Variants in ACER1 observed in about 807,000 individuals in gnomAD.
ACER1 encodes alkaline ceramidase 1.
In ACER1, 28 loss-of-function variants were observed where a neutral mutation model predicts 24.9. That is an observed-to-expected ratio of 1.13 (90% CI 0.83 to 1.54). The LOEUF (loss-of-function observed/expected upper bound fraction) is 1.54, where lower values mean the gene tolerates loss of function less well. Among genes scored for constraint, ACER1 ranks in the 40% most tolerant of loss-of-function variants. The pLI is 0.00. For missense variants in ACER1, 352 were observed against 349.3 expected, an observed-to-expected ratio of 1.01 and a Z score of -0.06; for synonymous variants, 132 against 131.4, an observed-to-expected ratio of 1.00 and a Z score of -0.03.
chr19:6,339,879 A>G, the ACER1 span, among the ~76,000 whole-genome samples: 1 of 151,672 alleles, frequency 6.6e-6, no homozygotes, highest in Non-Finnish European at 1.5e-5. Flanking sequence ...GTTAGCCAGG[A>G]TGGTCTTGAT....
chr19:6,346,492 CCTTCTT>C, the ACER1 span, among the ~76,000 whole-genome samples: 1 of 150,960 alleles, frequency 6.6e-6, no homozygotes, highest in African/African-American at 2.4e-5. Flanking sequence ...TTCTTCTTCT[CCTTCTT>C]CTTCTTCTTT....
At chr19:6,312,668 T>G (rs1176425607) in intron 1 of ACER1, among the ~76,000 whole-genome samples, 169 bp from the exon 2 acceptor site, 1 of 86,932 alleles carries the variant, frequency 1.2e-5, no homozygotes, top group Non-Finnish European at 2.3e-5. Context: ...CAGCCGACCC[T>G]TTTTTTTTTT....
At chr19:6,312,757 C>T (rs2091588403) in intron 1 of ACER1, among the ~76,000 whole-genome samples, 1 of 151,540 alleles carries the variant, frequency 6.6e-6, no homozygotes, top group African/African-American at 2.4e-5. Context: ...CTCACTGCAA[C>T]CTCCACCTCC....
chr19:6,306,950 A>C, intron 5 of ACER1, 68 bp from the exon 6 acceptor site: 1 of 1,547,046 alleles, frequency 6.5e-7, no homozygotes, highest in South Asian at 1.2e-5. Context: ...CCCTCTTTTT[A>C]CTTCTCATGG....
At chr19:6,347,192 G>A in the ACER1 span, among the ~76,000 whole-genome samples, 1 of 144,680 alleles carries the variant, frequency 6.9e-6, no homozygotes, top group African/African-American at 2.6e-5. Flanking sequence ...ACCTTGCTTG[G>A]AAATAGTCTC....
intron 3 of ACER1, 95 bp downstream of exon 3, chr19:6,312,054 T>C: frequency 6.8e-7 from 1 of 1,471,240 alleles, no homozygotes. Context: ...CCAAAGAGGG[T>C]CAAGGGTGGG....
upstream of ACER1, among the ~76,000 whole-genome samples, chr19:6,333,829 T>C (rs1287875508): frequency 6.6e-6 from 1 of 152,166 alleles, no homozygotes; most frequent in African/African-American, 2.4e-5. Flanking sequence ...TACCCAGGAA[T>C]AGGAATCGGG....
upstream of ACER1, among the ~76,000 whole-genome samples, chr19:6,336,452 G>T (rs949112032): frequency 4.6e-5 from 7 of 152,152 alleles, no homozygotes; most frequent in Admixed American, 1.3e-4. Flanking sequence ...CTGTAAGGTG[G>T]TGAAAATGAT....
chr19:6,347,543 G>C, the ACER1 span, among the ~76,000 whole-genome samples: 1 of 151,822 alleles, frequency 6.6e-6, no homozygotes, highest in African/African-American at 2.4e-5. Context: ...AGGTAATGGA[G>C]TTAAAATGAT....
upstream of ACER1, among the ~76,000 whole-genome samples, chr19:6,336,100 C>T (rs2091713324): frequency 6.6e-6 from 1 of 151,856 alleles, no homozygotes; most frequent in African/African-American, 2.4e-5. Context: ...GGGGTTTCAC[C>T]ATGTTGGCCA....
In ACER1 at chr19:6,306,848, T is replaced by C. The variant is rs1201863359; in HGVS notation, c.661A>G (p.Met221Val). Residue 221 changes from methionine to valine, a missense_variant, in exon 6 of 6, where the codon ATG (methionine) becomes GTG (valine). Physicochemically the swap from Met to Val is conservative, Grantham distance 21. Coordinates refer to ENST00000301452, the MANE Select transcript of ACER1 (RefSeq NM_133492.3). ...GCATCCACCAAGGCCATGGTGACCATGCCATAAGGGAAGGTGATGCTGATG... is the reference window on the plus strand; with the variant it reads ...GCATCCACCAAGGCCATGGTGACCACGCCATAAGGGAAGGTGATGCTGATG... ...VLISITFPYG[M>V]VTMALVDANY... 5 of 1,613,942 alleles carry C rather than the reference T, an allele frequency of 3.1e-6. No homozygotes were observed. The highest frequency in any genetic ancestry group is 3.4e-6 in the Non-Finnish European group (4 of 1,179,962).
the ACER1 span, among the ~76,000 whole-genome samples, chr19:6,348,165 C>T: frequency 4.6e-5 from 7 of 151,146 alleles, no homozygotes; most frequent in Non-Finnish European, 7.4e-5. Context: ...TCTGAGGGGT[C>T]GTGGATAAAG....
At chr19:6,328,496 C>CAAAAA (rs1013111916) in intron 1 of ACER1, among the ~76,000 whole-genome samples, 10 of 41,230 alleles carry the variant, frequency 2.4e-4, no homozygotes, top group Non-Finnish European at 3.4e-4. Context: ...GACTCCATCT[C>CAAAAA]AAAAAAAAAA....
At chr19:6,318,262 G>C in intron 1 of ACER1, among the ~76,000 whole-genome samples, 1 of 152,032 alleles carries the variant, frequency 6.6e-6, no homozygotes, top group East Asian at 1.9e-4. Flanking sequence ...CTGAAGTCGG[G>C]AGTTCGAGAC....
chr19:6,329,594 T>C (rs1434123043), intron 1 of ACER1, among the ~76,000 whole-genome samples: 3 of 152,066 alleles, frequency 2.0e-5, no homozygotes, highest in Non-Finnish European at 2.9e-5. Context: ...GTGGCTCAAT[T>C]TATTTTATCT....
the ACER1 span, among the ~76,000 whole-genome samples, chr19:6,349,405 G>C: frequency 7.0e-6 from 1 of 143,298 alleles, no homozygotes; most frequent in Admixed American, 7.1e-5. Flanking sequence ...GGGAGGGAGA[G>C]AAGGAAGGAA....
rs189781563 is a variant in ACER1 at position 6,331,598 on chromosome 19, A to G, written c.93+1861T>C. On this transcript the variant is annotated intron_variant, in intron 1 of 5. Coordinates refer to ENST00000301452, the MANE Select transcript of ACER1 (RefSeq NM_133492.3). ...CACCTGAGGTCGGGAGTTCAAGACCAGCCTGGCCAACATGGTGAAACCCTG... is the reference window on the plus strand; with the variant it reads ...CACCTGAGGTCGGGAGTTCAAGACCGGCCTGGCCAACATGGTGAAACCCTG... Among the ~76,000 whole-genome samples the G allele has an allele frequency of 3.1e-3, 463 of 151,694 alleles. 3 individuals carry two copies. The highest frequency in any genetic ancestry group is 0.025 in the East Asian group (123 of 4,992).
chr19:6,333,763 C>T (rs544079814), upstream of ACER1: 509 of 509,914 alleles, frequency 1.0e-3, 3 homozygotes, highest in Non-Finnish European at 1.5e-3. Context: ...GGGACTGGCA[C>T]TGTCCAGGCA....
Position 6,306,616 on chromosome 19 carries a change from A to T in ACER1, c.*98T>A. The T allele has an allele frequency of 7.1e-7, 1 of 1,414,234 alleles. No homozygotes were observed. The highest frequency in any genetic ancestry group is 9.6e-7 in the Non-Finnish European group (1 of 1,041,372). 87.6% of individuals were successfully genotyped at this position (1,414,234 alleles called of 1,614,324 possible). A position where few individuals can be genotyped will look rare whatever the true frequency, so the allele number is the denominator to read the frequency against. On this transcript the variant is annotated 3_prime_UTR_variant, in exon 6 of 6. Transcript: ENST00000301452. ...CACGGAAGGGGAAACAGAGGAAGGA[A>T]CCACGAGTGTCCCGCAGGTGCAAGT...
Sources: gnomAD v4.1 joint callset for allele counts (sites outside exome capture counted in the v4.1 genomes callset) on GRCh38, gnomAD v4.1.1 for gene constraint, MANE v1.5 for transcripts, NCBI Gene and HGNC (gene_info 2026-07-23, HGNC 2026-07-21) for gene names.